ARMC9: variants seen among roughly 807,000 people sequenced by gnomAD.
ARMC9 encodes the protein armadillo repeat containing 9, also known as lisH domain-containing protein ARMC9.
ARMC9 carries 94 observed loss-of-function variants against 107.0 expected under a neutral mutation model. That is an observed-to-expected ratio of 0.88 (90% confidence interval 0.74 to 1.04). The LOEUF (loss-of-function observed/expected upper bound fraction) is 1.04. ARMC9 is among the 50% of genes least tolerant of loss of function. The pLI is 0.00. For synonymous variants in ARMC9, 380 were observed against 396.9 expected, an observed-to-expected ratio of 0.96 and a Z score of 0.51; for missense variants, 942 against 1,030.1, an observed-to-expected ratio of 0.91 and a Z score of 1.17.
chr2:231,280,511 A>G (rs1322815808), intron 16 of ARMC9, among the ~76,000 whole-genome samples: 1 of 152,090 alleles, frequency 6.6e-6, no homozygotes, highest in East Asian at 1.9e-4. Flanking sequence ...AAAATGACAT[A>G]TATATATACA....
At chr2:231,327,684 A>G (rs187026930) in intron 19 of ARMC9, among the ~76,000 whole-genome samples, 219 of 152,326 alleles carry the variant, frequency 1.4e-3, no homozygotes, top group African/African-American at 4.8e-3. Flanking sequence ...TTTCTCTGGG[A>G]TAAATGCCCA....
intron 7 of ARMC9, among the ~76,000 whole-genome samples, chr2:231,233,444 C>T (rs1465706593): frequency 2.6e-5 from 4 of 152,030 alleles, no homozygotes; most frequent in Non-Finnish European, 5.9e-5. Context: ...GCTTGCATGC[C>T]ACTGCTTTAG....
chr2:231,328,160 A>G (rs1360987133), intron 19 of ARMC9, among the ~76,000 whole-genome samples: 1 of 152,142 alleles, frequency 6.6e-6, no homozygotes, highest in Non-Finnish European at 1.5e-5. Flanking sequence ...GGCTAATGAT[A>G]TTGAACATCT....
At chr2:231,262,807 A>G (rs1283427094) in intron 12 of ARMC9, among the ~76,000 whole-genome samples, 1 of 152,140 alleles carries the variant, frequency 6.6e-6, no homozygotes, top group East Asian at 1.9e-4. Context: ...AGATAGGTCT[A>G]CTGATCCTGT....
chr2:231,302,745 G>A (rs1559431854), intron 19 of ARMC9, among the ~76,000 whole-genome samples: 2 of 152,188 alleles, frequency 1.3e-5, no homozygotes, highest in East Asian at 1.9e-4. Flanking sequence ...GCTCACGCCT[G>A]TAATCTCAGC....
chr2:231,216,812 C>T lies in ARMC9; in HGVS notation c.504+19C>T. ...CTTCCAGGTAAATGTCAGCTTTTAA[C>T]TCTTGTGTCAGATCCTGGGTGACAT... On this transcript the variant is annotated intron_variant, in intron 5 of 24. Coordinates refer to ENST00000611582, the MANE Select transcript of ARMC9 (RefSeq NM_001352754.2). 1 of 1,606,040 alleles carries T rather than the reference C, an allele frequency of 6.2e-7. No homozygotes were observed. The highest frequency in any genetic ancestry group is 8.5e-7 in the Non-Finnish European group (1 of 1,176,530).
At position 231,220,861 on chromosome 2, in the gene ARMC9, G is replaced by C. The variant is rs187445830; in HGVS notation, c.505-1867G>C. Among the ~76,000 whole-genome samples, 194 of 152,286 alleles carry C rather than the reference G, an allele frequency of 1.3e-3. 1 individual carries two copies. The highest frequency in any genetic ancestry group is 4.3e-3 in the African/African-American group (180 of 41,558). On this transcript the variant is annotated intron_variant, in intron 5 of 24. Coordinates refer to ENST00000611582, the MANE Select transcript of ARMC9 (RefSeq NM_001352754.2). Reference sequence around the variant, plus strand: ...ATTACATTGAAAACACATATTTGTTGGTAATACAAAATAGTAATCAACAAC... The same window carrying C: ...ATTACATTGAAAACACATATTTGTTCGTAATACAAAATAGTAATCAACAAC...
At chr2:231,220,851 C>G (rs998786361) in intron 5 of ARMC9, among the ~76,000 whole-genome samples, 3 of 152,216 alleles carry the variant, frequency 2.0e-5, no homozygotes, top group Non-Finnish European at 2.9e-5. Flanking sequence ...ATTGAAAACA[C>G]ATATTTGTTG....
rs190810391 is a variant in ARMC9 at position 231,370,116 on chromosome 2, G to T, written c.2425G>T (p.Gly809Cys). Residue 809 changes from glycine to cysteine, a missense_variant, in exon 24 of 25, where the codon GGC becomes TGC. Transcript: ENST00000611582. ...CGGCTCCACAGCGTCCTCCACAAGG[G>T]GCCTGCCGAGTAAGTCAGCCTGGGC... is the stretch of plus-strand genomic sequence containing the variant. ...RPGSTASSTR[G>C]LPSSQSHRK 142 of 1,527,176 alleles carry T rather than the reference G, an allele frequency of 9.3e-5. No homozygotes were observed. The African/African-American group carries it at 1.6e-3, about 17-fold the overall frequency. 94.6% of individuals were successfully genotyped at this position (1,527,176 alleles called of 1,614,324 possible).
chr2:231,338,447 G>A (rs1181605858), intron 20 of ARMC9, among the ~76,000 whole-genome samples: 2 of 151,092 alleles, frequency 1.3e-5, no homozygotes, highest in Admixed American at 6.6e-5. Context: ...GGGTGGTCTC[G>A]AACTCCTGGC....
intron 3 of ARMC9, among the ~76,000 whole-genome samples, chr2:231,209,968 G>GC (rs1370600305): frequency 1.3e-5 from 2 of 152,210 alleles, no homozygotes; most frequent in Middle Eastern, 3.2e-3. Flanking sequence ...ATAGGCATGA[G>GC]CCACTGCACC....
intron 18 of ARMC9, 36 bp downstream of exon 18, chr2:231,291,479 G>T: frequency 1.3e-6 from 2 of 1,587,084 alleles, no homozygotes; most frequent in East Asian, 2.2e-5. Context: ...TCTATCTTTT[G>T]AATTATTCAC....
At chr2:231,228,225 T>C (rs1373925198) in intron 7 of ARMC9, among the ~76,000 whole-genome samples, 1 of 152,238 alleles carries the variant, frequency 6.6e-6, no homozygotes, top group Non-Finnish European at 1.5e-5. Flanking sequence ...CACTGTTCCA[T>C]TGCTGCCTGA....
At chr2:231,239,769 C>T (rs2125371064) in intron 8 of ARMC9, among the ~76,000 whole-genome samples, 174 bp from the exon 9 acceptor site, 1 of 152,358 alleles carries the variant, frequency 6.6e-6, no homozygotes, top group Middle Eastern at 3.4e-3. Flanking sequence ...GGTACTTTCA[C>T]TCCTCCCAAG....
intron 17 of ARMC9, among the ~76,000 whole-genome samples, chr2:231,283,813 G>A (rs923261982): frequency 1.3e-5 from 2 of 152,132 alleles, no homozygotes; most frequent in Non-Finnish European, 2.9e-5. Flanking sequence ...GCACACTGCA[G>A]CCTCCATCTC....
At chr2:231,325,490 C>T (rs1371168217) in intron 19 of ARMC9, among the ~76,000 whole-genome samples, 1 of 152,140 alleles carries the variant, frequency 6.6e-6, no homozygotes, top group East Asian at 1.9e-4. Context: ...GAAGTAGTGT[C>T]TCACCAATAC....
chr2:231,366,231 T>C (rs561955790), intron 23 of ARMC9, among the ~76,000 whole-genome samples: 3 of 152,226 alleles, frequency 2.0e-5, no homozygotes, highest in Non-Finnish European at 4.4e-5. Flanking sequence ...TTTTCTATTA[T>C]GGCCTTCAGC....
intron 10 of ARMC9, 38 bp from the exon 11 acceptor site, chr2:231,258,953 G>C: frequency 6.5e-7 from 1 of 1,541,244 alleles, no homozygotes; most frequent in South Asian, 1.1e-5. Flanking sequence ...ATGCCCTTTT[G>C]CCCTTTTCTT....
chr2:231,265,116 A>T (rs1559372822), intron 12 of ARMC9, among the ~76,000 whole-genome samples: 1 of 152,064 alleles, frequency 6.6e-6, no homozygotes, highest in Non-Finnish European at 1.5e-5. Context: ...AAAGAAGAAG[A>T]AATGAGCTGA....
Sources: allele counts gnomAD v4.1 joint callset (sites outside exome capture counted in the v4.1 genomes callset), GRCh38; gene constraint gnomAD v4.1.1; transcripts MANE v1.5; gene names NCBI Gene and HGNC (gene_info 2026-07-23, HGNC 2026-07-21).